PTK2: variants seen among roughly 807,000 people sequenced by gnomAD.
PTK2 encodes the protein focal adhesion kinase 1.
In PTK2, 45 loss-of-function variants were observed where a neutral mutation model predicts 150.1. The observed-to-expected ratio is 0.30, with a 90% confidence interval of 0.24 to 0.38. The LOEUF is 0.38. Ranked by LOEUF, PTK2 falls within the 10% of genes least tolerant of loss-of-function variation. The pLI is 1.00. For missense variants in PTK2, 919 were observed against 1,307.3 expected (o/e 0.70, Z 4.58); for synonymous variants, 432 against 449.2 (o/e 0.96, Z 0.48).
At chr8:140,966,603 A>G (rs907015010) in intron 1 of PTK2, among the ~76,000 whole-genome samples, 4 of 152,260 alleles carry the variant, frequency 2.6e-5, no homozygotes, top group Admixed American at 2.0e-4. Flanking sequence ...AATCTGAACT[A>G]GCTCAGAGTA....
chr8:140,861,119 C>A (rs1012131813), intron 5 of PTK2, among the ~76,000 whole-genome samples: 3 of 152,146 alleles, frequency 2.0e-5, no homozygotes, highest in Non-Finnish European at 4.4e-5. Context: ...GGCGGAAGGA[C>A]TGCTTCAGGA....
At chr8:140,968,600 C>T (rs2100186133) in intron 1 of PTK2, among the ~76,000 whole-genome samples, 1 of 152,216 alleles carries the variant, frequency 6.6e-6, no homozygotes. Context: ...CTCTTCACCG[C>T]TGTTCTATTC....
At chr8:140,851,784 G>A (rs539887033) in intron 5 of PTK2, among the ~76,000 whole-genome samples, 6 of 151,756 alleles carry the variant, frequency 4.0e-5, no homozygotes, top group South Asian at 2.1e-4. Context: ...GCTTGAACCC[G>A]GGAGGCAGAG....
rs191976107 is a variant in PTK2 at position 140,966,973 on chromosome 8, A to G, written c.-122+34152T>C. 4.2e-3 allele frequency among the ~76,000 whole-genome samples: 645 copies of G among 152,286 alleles called. 8 individuals are homozygous for G. The highest frequency in any genetic ancestry group is 0.015 in the African/African-American group (627 of 41,550). ...CACAATCCAACTTGGCCAGCCTTCT[A>G]TCATTCTTTTCTCACTACCTCCAAA... is the stretch of plus-strand genomic sequence containing the variant. On this transcript the variant is annotated intron_variant, in intron 1 of 31. Coordinates refer to ENST00000522684, the Ensembl canonical transcript of PTK2.
At chr8:140,781,179 T>C (rs747977416) in intron 14 of PTK2, among the ~76,000 whole-genome samples, 6 of 152,170 alleles carry the variant, frequency 3.9e-5, no homozygotes, top group Non-Finnish European at 7.3e-5. Context: ...CTTTCAAGCA[T>C]TCCCTTTAAA....
Position 140,864,508 on chromosome 8 carries a change from A to T in PTK2, c.363-109T>A, listed in dbSNP as rs2100138138. 4 of 537,170 alleles carry T rather than the reference A, an allele frequency of 7.4e-6. No homozygotes were observed. The East Asian group carries it at 1.3e-4, about 17-fold the overall frequency. The allele number at this position is 537,170 out of a possible 1,614,324, so 33.3% of individuals were successfully genotyped here. A position where few individuals can be genotyped will look rare whatever the true frequency, so the allele number is the denominator to read the frequency against. On this transcript the variant is annotated intron_variant, in intron 4 of 31. Coordinates refer to ENST00000522684, the Ensembl canonical transcript of PTK2. ...GCATTCCTAATTACTCTGAAAGATG[A>T]TTTCAAATAAAAGCTATCATCAATT... is the stretch of plus-strand genomic sequence containing the variant.
chr8:140,681,679 A>G (rs2153596170), intron 27 of PTK2, among the ~76,000 whole-genome samples: 1 of 152,200 alleles, frequency 6.6e-6, no homozygotes, highest in East Asian at 1.9e-4. Flanking sequence ...CGGGAGGCTG[A>G]GGCAGGAGAA....
At chr8:140,931,225 G>GT (rs1254829071) in intron 1 of PTK2, among the ~76,000 whole-genome samples, 2 of 152,024 alleles carry the variant, frequency 1.3e-5, no homozygotes, top group Non-Finnish European at 1.5e-5. Flanking sequence ...GTTCCTAATT[G>GT]TTTGTGTAAC....
At chr8:140,746,060 G>T (rs189645499) in intron 18 of PTK2, among the ~76,000 whole-genome samples, 257 of 152,072 alleles carry the variant, frequency 1.7e-3, no homozygotes, top group Admixed American at 2.5e-3. Context: ...GGTTTAAAAG[G>T]TATTACTAGC....
intron 10 of PTK2, among the ~76,000 whole-genome samples, chr8:140,808,310 T>A (rs2100099298): frequency 6.6e-6 from 1 of 151,820 alleles, no homozygotes. Flanking sequence ...AGTTCACCCA[T>A]GGGAGGCAGA....
chr8:140,684,798 T>C (rs1321893585), intron 27 of PTK2, among the ~76,000 whole-genome samples: 1 of 152,068 alleles, frequency 6.6e-6, no homozygotes, highest in African/African-American at 2.4e-5. Flanking sequence ...AGTATGGTCG[T>C]ACCGCCCAAT....
intron 26 of PTK2, among the ~76,000 whole-genome samples, chr8:140,692,869 C>T (rs2153882321): frequency 6.6e-6 from 1 of 152,322 alleles, no homozygotes; most frequent in East Asian, 1.9e-4. Context: ...CCTCTTGCCA[C>T]TGCTCTTTAG....
intron 7 of PTK2, among the ~76,000 whole-genome samples, chr8:140,845,045 G>A (rs979684695): frequency 4.6e-5 from 7 of 152,088 alleles, no homozygotes; most frequent in Non-Finnish European, 1.0e-4. Context: ...GCTAGCCCGT[G>A]TCTCCATGGC....
intron 1 of PTK2, among the ~76,000 whole-genome samples, chr8:140,957,677 T>C (rs1398595515): frequency 2.0e-5 from 3 of 152,154 alleles, no homozygotes; most frequent in Admixed American, 6.5e-5. Flanking sequence ...TATTTTTTAA[T>C]CTTTTATATC....
chr8:140,667,793 G>A (rs1245165663), intron 30 of PTK2, among the ~76,000 whole-genome samples: 1 of 152,144 alleles, frequency 6.6e-6, no homozygotes, highest in Non-Finnish European at 1.5e-5. Context: ...TCCTCCCAAT[G>A]TACCTTTCTT....
intron 1 of PTK2, among the ~76,000 whole-genome samples, chr8:140,938,152 T>A (rs2100174362): frequency 1.3e-5 from 2 of 152,126 alleles, no homozygotes; most frequent in Non-Finnish European, 2.9e-5. Context: ...ATAGAAGGCG[T>A]CCATCACTAA....
At chr8:140,920,138 T>C (rs1438033347) in intron 2 of PTK2, among the ~76,000 whole-genome samples, 2 of 152,270 alleles carry the variant, frequency 1.3e-5, no homozygotes, top group East Asian at 3.9e-4. Flanking sequence ...CATTAAGAAC[T>C]TTATTTCCTA....
chr8:140,890,399 T>C, intron 3 of PTK2, 144 bp downstream of exon 3: 1 of 657,558 alleles, frequency 1.5e-6, no homozygotes, highest in Non-Finnish European at 2.5e-6. Context: ...AACTAATAAA[T>C]CTTATAATTA....
At chr8:140,979,380 G>C (rs2100190548) in intron 1 of PTK2, among the ~76,000 whole-genome samples, 2 of 140,662 alleles carry the variant, frequency 1.4e-5, no homozygotes, top group South Asian at 4.5e-4. Context: ...TCCACACATA[G>C]AAAGAACAGC....
Sources: gnomAD v4.1 joint callset for allele counts (sites outside exome capture counted in the v4.1 genomes callset) on GRCh38, gnomAD v4.1.1 for gene constraint, MANE v1.5 for transcripts, NCBI Gene and HGNC (gene_info 2026-07-23, HGNC 2026-07-21) for gene names.